Variants in NRXN2 observed in about 807,000 individuals in gnomAD.
The protein encoded by NRXN2 is neurexin 2, also known as neurexin-2-beta.
In NRXN2, 29 loss-of-function variants were observed where a neutral mutation model predicts 128.8. The ratio of observed to expected loss-of-function variants is 0.23; its 90% CI spans 0.17 to 0.31. NRXN2 has a LOEUF of 0.31. NRXN2 is among the 10% of genes least tolerant of loss of function. NRXN2 has a pLI of 1.00. For missense variants in NRXN2, 1,881 were observed against 2,452.6 expected, an observed-to-expected ratio of 0.77 and a Z score of 4.92; for synonymous variants, 1,098 against 1,075.2, an observed-to-expected ratio of 1.02 and a Z score of -0.41.
intron 22 of NRXN2, among the ~76,000 whole-genome samples, chr11:64,617,317 T>C (rs754552671): frequency 6.6e-6 from 1 of 152,144 alleles, no homozygotes; most frequent in South Asian, 2.1e-4. Flanking sequence ...CTGTGTGTGC[T>C]CTTCTCTTCC....
chr11:64,641,927 G>A (rs2045735247), intron 17 of NRXN2, among the ~76,000 whole-genome samples: 1 of 152,068 alleles, frequency 6.6e-6, no homozygotes. Flanking sequence ...AGTGAGTTGG[G>A]AGGTGATGGA....
chr11:64,719,920 T>C (rs1190675044), intron 1 of NRXN2, among the ~76,000 whole-genome samples: 2 of 152,174 alleles, frequency 1.3e-5, no homozygotes, highest in African/African-American at 2.4e-5. Flanking sequence ...AGCTACCATT[T>C]ACGGGGACCT....
At chr11:64,693,728 A>C (rs139995255) in intron 3 of NRXN2, among the ~76,000 whole-genome samples, 1 of 152,262 alleles carries the variant, frequency 6.6e-6, no homozygotes, top group Non-Finnish European at 1.5e-5. Context: ...AGCAGGTAGG[A>C]GAAGGTAGAA....
intron 2 of NRXN2, among the ~76,000 whole-genome samples, chr11:64,702,362 G>A (rs2055598698): frequency 6.6e-6 from 1 of 152,116 alleles, no homozygotes; most frequent in South Asian, 2.1e-4. Context: ...ATAGAAAGGG[G>A]GGAAAGGTGG....
rs1017944166 is a variant in NRXN2, at chr11:64,681,115, G to C, written c.1153-4078C>G. 5.5e-4 allele frequency among the ~76,000 whole-genome samples: 72 copies of C among 130,802 alleles called. 1 individual carries two copies. Among genetic ancestry groups the C allele is most frequent in the Admixed American group, 4.8e-3 (65 of 13,540 alleles). 85.8% of individuals were successfully genotyped at this position (130,802 alleles called of 152,430 possible). On this transcript the variant is annotated intron_variant, in intron 6 of 22. Coordinates refer to ENST00000265459, the MANE Select transcript of NRXN2 (RefSeq NM_015080.4). Reference sequence around the variant, plus strand: ...CTATCTCCAAAAAAAAAAAAAAAAAGTAAAAAAAAAAAAAGTGAATTGTGA... The same window carrying C: ...CTATCTCCAAAAAAAAAAAAAAAAACTAAAAAAAAAAAAAGTGAATTGTGA...
Position 64,668,673 on chromosome 11 carries a change from G to A in NRXN2, c.1198-69C>T. 4 of 1,582,670 alleles carry A rather than the reference G, an allele frequency of 2.5e-6. No individual in the cohort carries two copies. In the South Asian group the frequency reaches 4.4e-5, roughly 18 times the overall value. ...CATCAAATCCCTAGGAAGAGCTACG[G>A]CTAGGCAAAGGAGGGGCCAGAGGGC... On this transcript the variant is annotated intron_variant, in intron 7 of 22. Transcript: ENST00000265459.
Position 64,635,508 on chromosome 11 carries a change from G to T in NRXN2, c.3404-56C>A. ...AAATGACATCAGGAGGACGAGGTCA[G>T]CAGGTCCTCAGGGTTGTGACCAGAG... is the stretch of plus-strand genomic sequence containing the variant. On this transcript the variant is annotated intron_variant, in intron 17 of 22. Transcript: ENST00000265459. This position sits in a 1 kb window ranked among gnomAD's most constrained non-coding sequence, Gnocchi z 4.8. 1 of 1,580,962 alleles carries T rather than the reference G, an allele frequency of 6.3e-7. No individual in the cohort carries two copies. The highest frequency in any genetic ancestry group is 1.3e-5 in the African/African-American group (1 of 74,480).
chr11:64,649,385 G>C (rs2047153183), intron 15 of NRXN2, among the ~76,000 whole-genome samples: 1 of 152,066 alleles, frequency 6.6e-6, no homozygotes, highest in Non-Finnish European at 1.5e-5. Context: ...CTTGGCCTTG[G>C]GACTCTGGGA....
At position 64,630,497 on chromosome 11, in the gene NRXN2, C is replaced by T. The variant is rs1376518065; in HGVS notation, c.3662G>A (p.Ser1221Asn). ...GCGCACCACGTGGTATTTGCCGTCG[C>T]TTACTATGGCGTTGGGCTCGTCGAT... is the stretch of plus-strand genomic sequence containing the variant. ...ITIDEPNAIV[S>N]DGKYHVVRFT... Residue 1221 changes from serine to asparagine, a missense_variant, in exon 19 of 23, where the codon AGC (serine) becomes AAC (asparagine). Ser to Asn is a conservative substitution (Grantham distance 46). Transcript: ENST00000265459. The surrounding 1 kb of genome is among the most constrained non-coding windows in gnomAD (Gnocchi z 4.6). 2 of 1,613,954 alleles carry T rather than the reference C, an allele frequency of 1.2e-6. No homozygotes were observed. The highest frequency in any genetic ancestry group is 4.5e-5 in the East Asian group (2 of 44,894).
chr11:64,636,470 T>G (rs998697982), intron 17 of NRXN2, among the ~76,000 whole-genome samples: 14 of 151,946 alleles, frequency 9.2e-5, no homozygotes, highest in African/African-American at 3.4e-4. Flanking sequence ...CCTGGAGGAC[T>G]AGTACTCCAT....
At chr11:64,720,237 T>C (rs929063786) in intron 1 of NRXN2, among the ~76,000 whole-genome samples, 2 of 152,206 alleles carry the variant, frequency 1.3e-5, no homozygotes, top group Non-Finnish European at 2.9e-5. Flanking sequence ...TCCTTGAAAG[T>C]GTGCACCAGA....
chr11:64,627,735 G>A (rs2043280680), intron 19 of NRXN2, among the ~76,000 whole-genome samples: 1 of 152,178 alleles, frequency 6.6e-6, no homozygotes, highest in African/African-American at 2.4e-5. Flanking sequence ...TGAGCTGTGG[G>A]TGATCCTGGT....
At chr11:64,625,542 G>A (rs1199830920) in intron 20 of NRXN2, among the ~76,000 whole-genome samples, 1 of 152,310 alleles carries the variant, frequency 6.6e-6, no homozygotes, top group South Asian at 2.1e-4. Flanking sequence ...GGTTTTAGTT[G>A]GGGAAGGCCC....
intron 6 of NRXN2, among the ~76,000 whole-genome samples, chr11:64,684,646 C>A (rs936681533): frequency 2.0e-5 from 3 of 152,052 alleles, no homozygotes; most frequent in African/African-American, 7.2e-5. Context: ...GCTGACGAGG[C>A]TTTCAGTGGG....
chr11:64,692,808 G>A, intron 4 of NRXN2, 39 bp downstream of exon 4: 1 of 1,612,804 alleles, frequency 6.2e-7, no homozygotes, highest in Non-Finnish European at 8.5e-7. Context: ...CAGGTTGGGG[G>A]CAATCCAATC....
intron 20 of NRXN2, among the ~76,000 whole-genome samples, chr11:64,625,617 C>A (rs1013795050): frequency 6.6e-6 from 1 of 152,130 alleles, no homozygotes; most frequent in Non-Finnish European, 1.5e-5. Flanking sequence ...CTACTTCCCC[C>A]CTAGAGTTTA....
At position 64,713,468 on chromosome 11, in the gene NRXN2, G is replaced by C; in HGVS notation, c.232C>G (p.Leu78Val). Reference protein sequence around the residue: ...YLDDGGDCDFLELLLVDGRLR... With the variant: ...YLDDGGDCDFVELLLVDGRLR... Reference sequence around the variant, plus strand: ...CGGCCGTCCACCAGCAGCAGCTCCAGGAAGTCGCAGTCGCCGCCGTCGTCC... The same window carrying C: ...CGGCCGTCCACCAGCAGCAGCTCCACGAAGTCGCAGTCGCCGCCGTCGTCC... Residue 78 changes from leucine (L) to valine (V), a missense_variant, in exon 2 of 23, where the codon CTG (leucine) becomes GTG (valine). Around this residue, in one of 7 missense-constraint regions of NRXN2, gnomAD observed 997 missense variants for 1,240.8 expected, o/e 0.80. Coordinates refer to ENST00000265459, the MANE Select transcript of NRXN2 (RefSeq NM_015080.4). 6.5e-7 allele frequency: 1 copy of C among 1,532,800 alleles called. No individual in the cohort carries two copies. The highest frequency in any genetic ancestry group is 2.5e-5 in the East Asian group (1 of 39,434). 94.9% of individuals were successfully genotyped at this position (1,532,800 alleles called of 1,614,324 possible). A position where few individuals can be genotyped will look rare whatever the true frequency, so the allele number is the denominator to read the frequency against.
chr11:64,722,484 G>C (rs566665850), intron 1 of NRXN2, among the ~76,000 whole-genome samples: 2 of 151,688 alleles, frequency 1.3e-5, no homozygotes, highest in African/African-American at 4.8e-5. Flanking sequence ...CCCTCAGGAC[G>C]AAGCCCTTGG....
intron 2 of NRXN2, among the ~76,000 whole-genome samples, chr11:64,707,393 A>AG (rs895445631): frequency 6.6e-5 from 10 of 152,100 alleles, no homozygotes; most frequent in Non-Finnish European, 1.3e-4. Flanking sequence ...TCAAAAAAAA[A>AG]AAAAAAGAAA....
Sources: gnomAD v4.1 joint callset for allele counts (sites outside exome capture counted in the v4.1 genomes callset) on GRCh38, gnomAD v4.1.1 for gene constraint, gnomAD v4.1.1 regional missense constraint, Gnocchi (gnomAD v3.1) non-coding constraint, MANE v1.5 for transcripts, NCBI Gene and HGNC (gene_info 2026-07-23, HGNC 2026-07-21) for gene names.